ZBBX: variants seen among roughly 807,000 people sequenced by gnomAD.
ZBBX encodes zinc finger B-box domain containing, also known as zinc finger B-box domain-containing protein 1.
ZBBX carries 101 observed loss-of-function variants against 108.5 expected under a neutral mutation model. That is an observed-to-expected ratio of 0.93 (90% CI 0.79 to 1.10). The LOEUF (loss-of-function observed/expected upper bound fraction) is 1.10. Among genes scored for constraint, ZBBX ranks in the 50% least tolerant of loss-of-function variants. The probability of loss-of-function intolerance (pLI) is 0.00; values close to 1 mark genes in which losing one functional copy is unlikely to be tolerated. For synonymous variants in ZBBX, 356 were observed against 323.4 expected (o/e 1.10, Z -1.08); for missense variants, 1,009 against 941.4 (o/e 1.07, Z -0.94).
chr3:167,181,553 T>C, the ZBBX span, among the ~76,000 whole-genome samples: 1 of 152,192 alleles, frequency 6.6e-6, no homozygotes, highest in South Asian at 2.1e-4. Flanking sequence ...CCCTGAATAG[T>C]TGTTTCACAG....
chr3:167,225,334 A>T, the ZBBX span, among the ~76,000 whole-genome samples: 3 of 151,902 alleles, frequency 2.0e-5, no homozygotes, highest in Non-Finnish European at 4.4e-5. Context: ...CACTTAAGAA[A>T]ATAGTGTATC....
upstream of ZBBX, chr3:167,381,186 G>A (rs573501301): frequency 6.6e-6 from 1 of 152,090 alleles, no homozygotes; most frequent in South Asian, 2.1e-4. Context: ...AAAAAATAAT[G>A]ATTTCACTTG....
At chr3:167,301,499 G>C (rs1732661263) in intron 17 of ZBBX, among the ~76,000 whole-genome samples, 1 of 152,142 alleles carries the variant, frequency 6.6e-6, no homozygotes, top group Non-Finnish European at 1.5e-5. Context: ...TTACTTTTGA[G>C]TCAGATTCAT....
rs576537283 is a variant in ZBBX, at chr3:167,347,874, T to G, written c.528+2546A>C. Among the ~76,000 whole-genome samples, 30 of 152,102 alleles carry G rather than the reference T, an allele frequency of 2.0e-4. No individual in the cohort carries two copies. The South Asian group carries it at 6.2e-3, about 32-fold the overall frequency. On this transcript the variant is annotated intron_variant, in intron 9 of 21. Coordinates refer to ENST00000675490, the MANE Select transcript of ZBBX (RefSeq NM_001199201.2). ...GAGTAACATGAACAAGGAAGAGACA[T>G]AGTTCTTTATTGTATTTAACTTTAA...
intron 2 of ZBBX, among the ~76,000 whole-genome samples, chr3:167,374,102 A>C (rs909784092): frequency 6.6e-6 from 1 of 152,186 alleles, no homozygotes; most frequent in Non-Finnish European, 1.5e-5. Context: ...AGAAACGAAA[A>C]GAATCTTTGA....
intron 20 of ZBBX, among the ~76,000 whole-genome samples, chr3:167,266,841 C>A (rs1725591237): frequency 6.6e-6 from 1 of 152,110 alleles, no homozygotes; most frequent in Non-Finnish European, 1.5e-5. Context: ...GCCCATTCTT[C>A]TCTGGGGAGG....
chr3:167,227,943 C>T, the ZBBX span, among the ~76,000 whole-genome samples: 3 of 151,598 alleles, frequency 2.0e-5, no homozygotes, highest in Non-Finnish European at 4.4e-5. Context: ...AGAACAATTT[C>T]CTTGTGTATA....
the ZBBX span, among the ~76,000 whole-genome samples, chr3:167,215,393 T>C: frequency 6.6e-6 from 1 of 152,162 alleles, no homozygotes; most frequent in African/African-American, 2.4e-5. Flanking sequence ...TATGGATATA[T>C]TCCTGGACAC....
At chr3:167,232,021 G>A in the ZBBX span, among the ~76,000 whole-genome samples, 2 of 151,730 alleles carry the variant, frequency 1.3e-5, no homozygotes, top group South Asian at 4.1e-4. Context: ...TGATATGATT[G>A]TAGTCTATCA....
rs531921815 is a variant in ZBBX at position 167,346,686 on chromosome 3, T to C, written c.528+3734A>G. ...TCAGCAGTCAACAAAGCCTTATGAC[T>C]TTAATGGTTAACAATAAAAAACAAA... On this transcript the variant is annotated intron_variant, in intron 9 of 21. Transcript: ENST00000675490. Among the ~76,000 whole-genome samples the C allele has an allele frequency of 9.9e-5, 15 of 152,022 alleles. No homozygotes were observed. The East Asian group carries it at 2.9e-3, about 29-fold the overall frequency.
chr3:167,371,068 G>A (rs1028298153), intron 4 of ZBBX, among the ~76,000 whole-genome samples: 7 of 152,110 alleles, frequency 4.6e-5, no homozygotes, highest in African/African-American at 1.4e-4. Context: ...CTTGGAACAC[G>A]GAAAAAGTGA....
the ZBBX span, among the ~76,000 whole-genome samples, chr3:167,197,824 T>G: frequency 1.3e-5 from 2 of 152,226 alleles, no homozygotes; most frequent in Non-Finnish European, 2.9e-5. Context: ...TTTCTAATGT[T>G]GTTTGCACAA....
the ZBBX span, among the ~76,000 whole-genome samples, chr3:167,234,364 G>C: frequency 1.3e-5 from 2 of 151,758 alleles, no homozygotes; most frequent in African/African-American, 4.8e-5. Flanking sequence ...GAAAATCTTT[G>C]CAAAAGCAGA....
intron 1 of ZBBX, among the ~76,000 whole-genome samples, chr3:167,387,563 T>G (rs1553850596): frequency 6.6e-6 from 1 of 151,922 alleles, no homozygotes; most frequent in Non-Finnish European, 1.5e-5. Context: ...TTCCCTGCAG[T>G]GAGTTAGAAT....
intron 1 of ZBBX, among the ~76,000 whole-genome samples, chr3:167,397,142 TAAAAAAAAAAA>T (rs61671930): frequency 5.5e-4 from 40 of 72,414 alleles, no homozygotes; most frequent in Middle Eastern, 8.8e-3. Flanking sequence ...TTCTTGGTGG[TAAAAAAAAAAA>T]AAAAAAAAAA....
intron 4 of ZBBX, among the ~76,000 whole-genome samples, chr3:167,372,255 G>C (rs1746275843): frequency 6.6e-6 from 1 of 151,908 alleles, no homozygotes; most frequent in East Asian, 1.9e-4. Context: ...GGCTCTTACT[G>C]ATATTGAAGA....
upstream of ZBBX, among the ~76,000 whole-genome samples, chr3:167,380,866 G>GCGCA (rs200426061): frequency 2.8e-5 from 4 of 141,340 alleles, no homozygotes; most frequent in Admixed American, 7.0e-5. Context: ...GCAAATATAT[G>GCGCA]CACACACACA....
chr3:167,392,942 C>T (rs1748119945), intron 1 of ZBBX: 1 of 151,756 alleles, frequency 6.6e-6, no homozygotes, highest in Non-Finnish European at 1.5e-5. Flanking sequence ...TGGGAATAAT[C>T]ATCATACTAA....
chr3:167,206,894 C>T, the ZBBX span, among the ~76,000 whole-genome samples: 1 of 152,064 alleles, frequency 6.6e-6, no homozygotes, highest in Non-Finnish European at 1.5e-5. Flanking sequence ...GAAAGGACAG[C>T]CTCTTCAATA....
Sources: allele counts gnomAD v4.1 joint callset (sites outside exome capture counted in the v4.1 genomes callset), GRCh38; gene constraint gnomAD v4.1.1; transcripts MANE v1.5; gene names NCBI Gene and HGNC (gene_info 2026-07-23, HGNC 2026-07-21).